Variants in REXO1 observed in about 807,000 individuals in gnomAD.
REXO1 encodes the protein REX1, RNA exonuclease 1 homolog.
Under a neutral mutation model 102.6 loss-of-function variants are expected in REXO1, and 42 were observed. The observed-to-expected ratio is 0.41, with a 90% CI of 0.32 to 0.53. The LOEUF is 0.53. Ranked by LOEUF, REXO1 falls within the 20% of genes least tolerant of loss-of-function variation. The pLI is 0.27. For synonymous variants in REXO1, 908 were observed against 779.1 expected, an observed-to-expected ratio of 1.17 and a Z score of -2.76; for missense variants, 1,819 against 1,732.5, an observed-to-expected ratio of 1.05 and a Z score of -0.89.
chr19:1,819,240 C>G, intron 7 of REXO1, 109 bp from the exon 8 acceptor site: 1 of 784,698 alleles, frequency 1.3e-6, no homozygotes. Context: ...CCTCAACTCC[C>G]CCTTTCTGGG....
rs765908004 is a variant in REXO1, at chr19:1,816,817, C to T, written c.3202-4G>A. 8.7e-6 allele frequency: 14 copies of T among 1,606,560 alleles called. No homozygotes were observed. The highest frequency in any genetic ancestry group is 1.1e-5 in the Non-Finnish European group (13 of 1,174,678). On this transcript the variant is annotated splice_polypyrimidine_tract_variant and splice_region_variant and intron_variant, in intron 12 of 15. Transcript: ENST00000170168. ...CCAGGCCATATGTGGTGTAGGACTGCGGGCAAGGGATGCACCTCAGATGTG... is the reference window on the plus strand; with the variant it reads ...CCAGGCCATATGTGGTGTAGGACTGTGGGCAAGGGATGCACCTCAGATGTG...
In REXO1 at chr19:1,826,657, G is replaced by C. The variant is rs542687733; in HGVS notation, c.1911+221C>G. ...CCACAGAAGCCTGGCTGGTGGCCAC[G>C]GGCCAGTGACCTCTGGGTGGGTGAG... On this transcript the variant is annotated intron_variant, in intron 2 of 15. Coordinates refer to ENST00000170168, the MANE Select transcript of REXO1 (RefSeq NM_020695.4). The surrounding 1 kb of genome is among the most constrained non-coding windows in gnomAD (Gnocchi z 4.3). 1.0e-4 allele frequency among the ~76,000 whole-genome samples: 15 copies of C among 150,534 alleles called. No individual in the cohort carries two copies. Among genetic ancestry groups the C allele is most frequent in the Non-Finnish European group, 1.2e-4 (8 of 67,834 alleles).
intron 1 of REXO1, among the ~76,000 whole-genome samples, chr19:1,844,803 G>T (rs1310887840): frequency 6.6e-6 from 1 of 152,234 alleles, no homozygotes; most frequent in Non-Finnish European, 1.5e-5. Context: ...CCAGGCCTGG[G>T]ACTGTCCTGC....
rs372577600 is a variant in REXO1 at position 1,827,804 on chromosome 19, C to T, written c.985G>A (p.Ala329Thr). 2.6e-5 allele frequency: 42 copies of T among 1,601,456 alleles called. No homozygotes were observed. In the African/African-American group the frequency reaches 5.2e-4, roughly 20 times the overall value. The part of the protein sequence containing the change: ...GQPPSKEGLE[A>T]EGGGLRETKE... ...GTCTCCCGCAGGCCGCCCCCCTCGGCCTCCAGGCCCTCTTTGGAGGGTGGC... is the reference window on the plus strand; with the variant it reads ...GTCTCCCGCAGGCCGCCCCCCTCGGTCTCCAGGCCCTCTTTGGAGGGTGGC... The change falls in exon 2 of 16, where the codon GCC (alanine) becomes ACC (threonine). Residue 329 changes from alanine to threonine, a missense_variant. Physicochemically the swap from Ala to Thr is moderately conservative, Grantham distance 58. Coordinates refer to ENST00000170168, the MANE Select transcript of REXO1 (RefSeq NM_020695.4).
intron 3 of REXO1, among the ~76,000 whole-genome samples, chr19:1,825,592 C>T (rs1357924896): frequency 1.3e-5 from 2 of 151,858 alleles, no homozygotes; most frequent in African/African-American, 4.8e-5. Flanking sequence ...TCTCCTGCCT[C>T]AGCCTCTCTA....
chr19:1,827,815 T>C lies in REXO1; in HGVS notation c.974A>G (p.Glu325Gly). The change falls in exon 2 of 16, where the codon GAG becomes GGG. Residue 325 changes from glutamate to glycine, a missense_variant. Physicochemically the swap from Glu to Gly is moderately conservative, Grantham distance 98. Transcript: ENST00000170168. ...GCCGCCCCCCTCGGCCTCCAGGCCC[T>C]CTTTGGAGGGTGGCTGCCCGGTGGC... ...IKATGQPPSK[E>G]GLEAEGGGLR... 6.2e-7 allele frequency: 1 copy of C among 1,608,572 alleles called. No individual in the cohort carries two copies. The highest frequency in any genetic ancestry group is 1.1e-5 in the South Asian group (1 of 90,708).
chr19:1,845,668 A>T (rs1235714451), intron 1 of REXO1, among the ~76,000 whole-genome samples: 3 of 152,170 alleles, frequency 2.0e-5, no homozygotes, highest in African/African-American at 7.2e-5. Context: ...TGTCTCAAAA[A>T]TTAATTCATT....
In REXO1 at chr19:1,815,561, C is replaced by G; in HGVS notation, c.*505G>C. 1 of 659,904 alleles carries G rather than the reference C, an allele frequency of 1.5e-6. No homozygotes were observed. 40.9% of individuals were successfully genotyped at this position (659,904 alleles called of 1,614,324 possible). A position where few individuals can be genotyped will look rare whatever the true frequency, so the allele number is the denominator to read the frequency against. On this transcript the variant is annotated 3_prime_UTR_variant, in exon 16 of 16. Coordinates refer to ENST00000170168, the MANE Select transcript of REXO1 (RefSeq NM_020695.4). This position sits in a 1 kb window ranked among gnomAD's most constrained non-coding sequence, Gnocchi z 4.0. ...GCCCCCACTGGGGTCTGTCCCACCC[C>G]CACCCCGCAGGAGGGAAGGCAGCAG... is the stretch of plus-strand genomic sequence containing the variant.
chr19:1,835,689 G>A (rs2070020241), intron 1 of REXO1, among the ~76,000 whole-genome samples: 1 of 152,116 alleles, frequency 6.6e-6, no homozygotes, highest in Non-Finnish European at 1.5e-5. Context: ...TGTGGCCCAG[G>A]TCAGTCTGTT....
Position 1,827,358 on chromosome 19 carries a change from G to T in REXO1, c.1431C>A (p.Leu477=). Residue 477 remains leucine, a synonymous_variant, in exon 2 of 16, where the codon CTC becomes CTA. Transcript: ENST00000170168. ...TGGTGCTCTTCCTGTCGGGCAGCTG[G>T]AGGGGGCGGGGTGGGCCTCTGCCGG... ...PAAGRGPPRP[L]QLPDRKSTKA... 1 of 1,548,590 alleles carries T rather than the reference G, an allele frequency of 6.5e-7. No individual in the cohort carries two copies. The highest frequency in any genetic ancestry group is 8.7e-7 in the Non-Finnish European group (1 of 1,151,544).
At chr19:1,847,922 G>A (rs774097747) in intron 1 of REXO1, among the ~76,000 whole-genome samples, 4 of 152,194 alleles carry the variant, frequency 2.6e-5, no homozygotes, top group Admixed American at 6.5e-5. Context: ...CCCGGTGCCC[G>A]GTACTCAACA....
chr19:1,847,972 G>C (rs914210828), intron 1 of REXO1, among the ~76,000 whole-genome samples: 1 of 152,236 alleles, frequency 6.6e-6, no homozygotes, highest in Non-Finnish European at 1.5e-5. Flanking sequence ...CTGGCAGGAC[G>C]CGTCCTCCTA....
rs1350390357 is a variant in REXO1 at position 1,817,464 on chromosome 19, G to A, written c.3091-135C>T. The A allele has an allele frequency of 8.1e-6, 12 of 1,483,584 alleles. No individual in the cohort carries two copies. In the East Asian group the frequency reaches 3.0e-4, roughly 37 times the overall value. The allele number at this position is 1,483,584 out of a possible 1,614,324, so 91.9% of individuals were successfully genotyped here. The stretch of plus-strand genomic sequence containing the variant: ...CCCATTCACTGGTTGGGACCCTGGT[G>A]AGCAGGTGGGGAAGGGGGCTTGCCA... On this transcript the variant is annotated intron_variant, in intron 11 of 15. Coordinates refer to ENST00000170168, the MANE Select transcript of REXO1 (RefSeq NM_020695.4).
intron 1 of REXO1, among the ~76,000 whole-genome samples, chr19:1,829,972 G>C (rs1459653306): frequency 6.6e-6 from 1 of 152,124 alleles, no homozygotes; most frequent in Admixed American, 6.5e-5. Flanking sequence ...TCTTCCCGGG[G>C]GGCAGCTGGG....
rs541855436 is a variant in REXO1, at chr19:1,837,188, G to A, written c.158-8557C>T. 7.2e-5 allele frequency among the ~76,000 whole-genome samples: 11 copies of A among 152,324 alleles called. 1 individual carries two copies. The South Asian group carries it at 2.3e-3, about 32-fold the overall frequency. ...CCATAACAGACCCTCTGGGAAGAGG[G>A]GTCTGGAGGACAGCACCCCTGAAGT... On this transcript the variant is annotated intron_variant, in intron 1 of 15. Coordinates refer to ENST00000170168, the MANE Select transcript of REXO1 (RefSeq NM_020695.4).
At chr19:1,847,519 A>T (rs2011600161) in intron 1 of REXO1, among the ~76,000 whole-genome samples, 1 of 152,076 alleles carries the variant, frequency 6.6e-6, no homozygotes, top group East Asian at 1.9e-4. Context: ...TTTTTCTCCA[A>T]TCCAAATCCC....
At chr19:1,843,194 C>T (rs1306521239) in intron 1 of REXO1, among the ~76,000 whole-genome samples, 1 of 150,734 alleles carries the variant, frequency 6.6e-6, no homozygotes, top group East Asian at 2.0e-4. Context: ...GAAGCTTCAA[C>T]CCCCAGCCCG....
chr19:1,822,019 G>A, intron 4 of REXO1: 2 of 519,784 alleles, frequency 3.8e-6, no homozygotes, highest in South Asian at 5.9e-5. Context: ...GGACCGAAGG[G>A]TCTCGGGTGC....
intron 4 of REXO1, 47 bp downstream of exon 4, chr19:1,823,525 C>G: frequency 8.0e-7 from 1 of 1,249,132 alleles, no homozygotes; most frequent in Non-Finnish European, 1.0e-6. Context: ...CTCTCCTGCC[C>G]ACATGCCCAC....
Sources: gnomAD v4.1 joint callset for allele counts (sites outside exome capture counted in the v4.1 genomes callset) on GRCh38, gnomAD v4.1.1 for gene constraint, Gnocchi (gnomAD v3.1) non-coding constraint, MANE v1.5 for transcripts, NCBI Gene and HGNC (gene_info 2026-07-23, HGNC 2026-07-21) for gene names.